Variants in CTNNA2 observed in about 807,000 individuals in gnomAD.
CTNNA2 encodes catenin alpha-2.
Under a neutral mutation model 101.0 loss-of-function variants are expected in CTNNA2, and 42 were observed. The ratio of observed to expected loss-of-function variants is 0.42; its 90% CI spans 0.32 to 0.54. CTNNA2 has a LOEUF of 0.54. Among genes scored for constraint, CTNNA2 ranks in the 20% least tolerant of loss-of-function variants. The pLI is 0.14. For synonymous variants in CTNNA2, 450 were observed against 456.4 expected (o/e 0.99, Z 0.18); for missense variants, 871 against 1,223.1 (o/e 0.71, Z 4.29).
chr2:79,847,330 G>A lies in CTNNA2; in HGVS notation c.299-10683G>A, dbSNP rs1680307791. 3.9e-5 allele frequency among the ~76,000 whole-genome samples: 6 copies of A among 151,934 alleles called. No individual in the cohort carries two copies. The South Asian group carries it at 1.2e-3, about 32-fold the overall frequency. ...GAGGCTGAGGCGAGTGGATCACAAG[G>A]TCAGGAGTTCGAGACCAGCTTGATC... On this transcript the variant is annotated intron_variant, in intron 3 of 18. Coordinates refer to ENST00000402739, the MANE Select transcript of CTNNA2 (RefSeq NM_001282597.3).
At chr2:79,415,816 C>CTTT (rs1297403225) in intron 4 of CTNNA2, among the ~76,000 whole-genome samples, 1 of 152,008 alleles carries the variant, frequency 6.6e-6, no homozygotes, top group Non-Finnish European at 1.5e-5. Context: ...TCTATCTGTT[C>CTTT]TTACCTTTTG....
At chr2:79,391,461 A>T (rs894363690) in intron 4 of CTNNA2, among the ~76,000 whole-genome samples, 11 of 152,194 alleles carry the variant, frequency 7.2e-5, no homozygotes, top group Non-Finnish European at 2.9e-5. Flanking sequence ...AGTATATATA[A>T]AAAAGATGTG....
chr2:80,528,943 G>A (rs1016008274), intron 9 of CTNNA2, among the ~76,000 whole-genome samples: 4 of 152,182 alleles, frequency 2.6e-5, no homozygotes, highest in African/African-American at 4.8e-5. Flanking sequence ...TAGGGGTTAT[G>A]TAAACATAAA....
At chr2:79,212,180 A>AT (rs1339077362) in intron 2 of CTNNA2, among the ~76,000 whole-genome samples, 1 of 152,144 alleles carries the variant, frequency 6.6e-6, no homozygotes, top group Non-Finnish European at 1.5e-5. Context: ...GCACCAGGAG[A>AT]TATCAGCTGT....
At chr2:80,444,692 T>C (rs1396320748) in intron 9 of CTNNA2, among the ~76,000 whole-genome samples, 1 of 152,054 alleles carries the variant, frequency 6.6e-6, no homozygotes, top group Non-Finnish European at 1.5e-5. Flanking sequence ...TTAGCGTCCT[T>C]ATAGGAAGAG....
intron 7 of CTNNA2, among the ~76,000 whole-genome samples, chr2:80,236,137 G>A (rs1427402150): frequency 6.6e-6 from 1 of 152,188 alleles, no homozygotes; most frequent in Non-Finnish European, 1.5e-5. Context: ...CAAAAGACAT[G>A]ATCTTGTTCT....
At position 79,280,685 on chromosome 2, in the gene CTNNA2, A is replaced by AGAGAGAGAGAGAGAGAGAG. The variant is rs1553390858; in HGVS notation, c.-405-32024_-405-32023insGAGAGAGAGAGAGAGAGAG. Among the ~76,000 whole-genome samples the AGAGAGAGAGAGAGAGAGAG allele has an allele frequency of 5.2e-3, 460 of 88,426 alleles. 22 individuals carry two copies. The highest frequency in any genetic ancestry group is 8.0e-3 in the Admixed American group (80 of 9,978). 58.0% of individuals were successfully genotyped at this position (88,426 alleles called of 152,430 possible). A position where few individuals can be genotyped will look rare whatever the true frequency, so the allele number is the denominator to read the frequency against. On this transcript the variant is annotated intron_variant, in intron 2 of 21. Coordinates refer to the CTNNA2 transcript ENST00000466387. Reference sequence around the variant, plus strand: ...AGAAAGAGAGAGAGAGAGAGAGAGAAAGAGAGAGAGAGAGAGACCTATAGC... The same window carrying AGAGAGAGAGAGAGAGAGAG: ...AGAAAGAGAGAGAGAGAGAGAGAGAAGAGAGAGAGAGAGAGAGAGAGAGAGAGAGAGAGAGACCTATAGC...
intron 4 of CTNNA2, among the ~76,000 whole-genome samples, chr2:79,384,169 C>T (rs1319251627): frequency 1.3e-5 from 2 of 152,136 alleles, no homozygotes; most frequent in Non-Finnish European, 2.9e-5. Flanking sequence ...AAACAATCAG[C>T]GTAAATTGCA....
At chr2:79,505,653 G>C (rs1671396529) in intron 5 of CTNNA2, among the ~76,000 whole-genome samples, 1 of 152,186 alleles carries the variant, frequency 6.6e-6, no homozygotes, top group Non-Finnish European at 1.5e-5. Context: ...GACAAGGTCG[G>C]CTCCTGGAGC....
chr2:79,848,747 G>T (rs1363485877), intron 3 of CTNNA2, among the ~76,000 whole-genome samples: 3 of 152,280 alleles, frequency 2.0e-5, no homozygotes, highest in East Asian at 1.9e-4. Flanking sequence ...CATTGGAAAA[G>T]ACTTAATTAT....
intron 1 of CTNNA2, among the ~76,000 whole-genome samples, chr2:79,534,165 T>A (rs1672912146): frequency 6.6e-6 from 1 of 152,212 alleles, no homozygotes; most frequent in Non-Finnish European, 1.5e-5. Flanking sequence ...AGAATACATA[T>A]GATTTTATGT....
intron 2 of CTNNA2, among the ~76,000 whole-genome samples, chr2:79,672,717 T>C (rs910878100): frequency 6.6e-6 from 1 of 150,798 alleles, no homozygotes; most frequent in Non-Finnish European, 1.5e-5. Context: ...TCTTTTTTTT[T>C]TTTTTTTTGA....
At chr2:80,140,738 A>G (rs1013189471) in intron 7 of CTNNA2, among the ~76,000 whole-genome samples, 7 of 152,170 alleles carry the variant, frequency 4.6e-5, no homozygotes, top group African/African-American at 1.7e-4. Context: ...CCCAAGCAAA[A>G]GAAAATCCTC....
At chr2:79,923,824 TA>T (rs1361049102) in intron 7 of CTNNA2, among the ~76,000 whole-genome samples, 3 of 152,148 alleles carry the variant, frequency 2.0e-5, no homozygotes, top group African/African-American at 7.2e-5. Context: ...AGATTCCACA[TA>T]AAATTGAGAT....
chr2:80,256,184 G>C (rs1297906087), intron 7 of CTNNA2, among the ~76,000 whole-genome samples: 1 of 151,976 alleles, frequency 6.6e-6, no homozygotes, highest in Admixed American at 6.6e-5. Flanking sequence ...CCGTTAAAAG[G>C]CACAGCCTTT....
intron 7 of CTNNA2, among the ~76,000 whole-genome samples, chr2:79,973,952 G>GTTTGTTTGT (rs1553418497): frequency 9.2e-5 from 14 of 151,362 alleles, no homozygotes; most frequent in African/African-American, 2.7e-4. Flanking sequence ...TTGTTTGTTT[G>GTTTGTTTGT]TTTGTTTTGT....
chr2:79,965,827 CAAAAAAAAA>C (rs10686940), intron 7 of CTNNA2, among the ~76,000 whole-genome samples: 1 of 77,996 alleles, frequency 1.3e-5, no homozygotes, highest in East Asian at 3.6e-4. Flanking sequence ...GAGACTATGT[CAAAAAAAAA>C]AAAAAAAAAA....
chr2:80,380,028 C>CTTTT (rs769794108), intron 7 of CTNNA2, among the ~76,000 whole-genome samples: 9 of 86,524 alleles, frequency 1.0e-4, no homozygotes, highest in South Asian at 3.7e-4. Context: ...TCGAGATGTA[C>CTTTT]TTTTTTTTTT....
In CTNNA2 at chr2:79,302,474, CG is replaced by C. The variant is rs1040193751; in HGVS notation, c.-405-10234del. Among the ~76,000 whole-genome samples the C allele has an allele frequency of 5.3e-4, 80 of 152,274 alleles. 1 individual carries two copies. Among genetic ancestry groups the C allele is most frequent in the African/African-American group, 1.9e-3 (79 of 41,570 alleles). ...TGGGAGAGGCAGAACAGAGTTCTGA[CG>C]TGTTTAACCTACTTCTTTAGTCTTT... On this transcript the variant is annotated intron_variant, in intron 2 of 21. Coordinates refer to the CTNNA2 transcript ENST00000466387.
Sources: gnomAD v4.1 joint callset for allele counts (sites outside exome capture counted in the v4.1 genomes callset) on GRCh38, gnomAD v4.1.1 for gene constraint, MANE v1.5 for transcripts, NCBI Gene and HGNC (gene_info 2026-07-23, HGNC 2026-07-21) for gene names.